NFIA: variants seen among roughly 807,000 people sequenced by gnomAD.
The protein encoded by NFIA is nuclear factor I A, also known as nuclear factor 1 A-type.
Under a neutral mutation model 62.8 loss-of-function variants are expected in NFIA, and 8 were observed. That is an observed-to-expected ratio of 0.13 (90% CI 0.07 to 0.23). The LOEUF (loss-of-function observed/expected upper bound fraction) is 0.23. Ranked by LOEUF, NFIA falls within the 10% of genes least tolerant of loss-of-function variation. The pLI, the probability that NFIA is intolerant of heterozygous loss-of-function variation, is 1.00. For missense variants in NFIA, 410 were observed against 642.1 expected, an observed-to-expected ratio of 0.64 and a Z score of 3.91; for synonymous variants, 235 against 238.1, an observed-to-expected ratio of 0.99 and a Z score of 0.12.
intron 3 of NFIA, among the ~76,000 whole-genome samples, chr1:61,290,355 A>AT: frequency 6.6e-6 from 1 of 152,198 alleles, no homozygotes; most frequent in South Asian, 2.1e-4. Flanking sequence ...TTCATTCCCC[A>AT]TTTTTTGTGC....
intron 2 of NFIA, among the ~76,000 whole-genome samples, chr1:61,211,884 A>C: frequency 6.6e-6 from 1 of 152,114 alleles, no homozygotes; most frequent in Non-Finnish European, 1.5e-5. Flanking sequence ...TTTTGTAGAC[A>C]CTGGGTTTTG....
At chr1:61,140,713 G>T (rs191435781) in intron 2 of NFIA, among the ~76,000 whole-genome samples, 1 of 152,274 alleles carries the variant, frequency 6.6e-6, no homozygotes, top group African/African-American at 2.4e-5. Context: ...TTCTGGCACA[G>T]TTGGGGAGTG....
At chr1:61,146,120 G>A (rs1647919914) in intron 2 of NFIA, among the ~76,000 whole-genome samples, 1 of 152,136 alleles carries the variant, frequency 6.6e-6, no homozygotes. Flanking sequence ...GCATCTAGAG[G>A]CTGGCTCTTC....
At chr1:61,297,755 G>A (rs763195322) in intron 3 of NFIA, among the ~76,000 whole-genome samples, 2 of 152,168 alleles carry the variant, frequency 1.3e-5, no homozygotes, top group African/African-American at 4.8e-5. Context: ...TATGCTAAGT[G>A]CTCTAACTGT....
chr1:61,431,687 T>A (rs1667101458), intron 10 of NFIA, among the ~76,000 whole-genome samples: 1 of 152,218 alleles, frequency 6.6e-6, no homozygotes, highest in African/African-American at 2.4e-5. Flanking sequence ...CACACTTCAC[T>A]GTGCTGGAAG....
chr1:61,333,582 A>C (rs1661423592), intron 4 of NFIA, among the ~76,000 whole-genome samples: 1 of 152,232 alleles, frequency 6.6e-6, no homozygotes, highest in South Asian at 2.1e-4. Flanking sequence ...TCTGCCAGGC[A>C]CTGTCGTAGG....
intron 2 of NFIA, among the ~76,000 whole-genome samples, chr1:61,170,299 G>A (rs1038684495): frequency 6.6e-6 from 1 of 152,278 alleles, no homozygotes; most frequent in East Asian, 1.9e-4. Context: ...AGTGGCATTT[G>A]GACAGGTTCA....
At chr1:61,205,901 C>CTTTTTT (rs199804398) in intron 2 of NFIA, among the ~76,000 whole-genome samples, 10 of 122,526 alleles carry the variant, frequency 8.2e-5, no homozygotes, top group East Asian at 2.9e-4. Flanking sequence ...TTTTGCAGCC[C>CTTTTTT]TTTTTTTTTT....
At chr1:61,363,674 C>T (rs1407777555) in intron 6 of NFIA, among the ~76,000 whole-genome samples, 1 of 151,774 alleles carries the variant, frequency 6.6e-6, no homozygotes, top group African/African-American at 2.4e-5. Context: ...TTCGATTTTC[C>T]TTATCCCAAA....
intron 2 of NFIA, among the ~76,000 whole-genome samples, chr1:61,141,027 C>T (rs1295129151): frequency 1.6e-5 from 2 of 125,622 alleles, no homozygotes; most frequent in Non-Finnish European, 3.1e-5. Flanking sequence ...GGAACGCCAA[C>T]AGAATGGAGA....
intron 2 of NFIA, among the ~76,000 whole-genome samples, chr1:61,145,463 C>T (rs1409834233): frequency 1.3e-5 from 2 of 152,146 alleles, no homozygotes; most frequent in Admixed American, 6.5e-5. Context: ...GGTTTATCTC[C>T]AGATGTTCAT....
intron 2 of NFIA, among the ~76,000 whole-genome samples, chr1:61,123,780 A>C (rs1223409993): frequency 1.3e-5 from 2 of 152,216 alleles, no homozygotes; most frequent in African/African-American, 4.8e-5. Flanking sequence ...TATGATATTT[A>C]ATCCATCATC....
intron 3 of NFIA, among the ~76,000 whole-genome samples, chr1:61,321,501 G>T (rs935421753): frequency 6.6e-6 from 1 of 152,004 alleles, no homozygotes; most frequent in Non-Finnish European, 1.5e-5. Context: ...AGAAAATTAG[G>T]TTGATGAGAT....
At chr1:61,078,496 A>AG (rs1359807568), upstream of NFIA, among the ~76,000 whole-genome samples, 1 of 152,216 alleles carries the variant, frequency 6.6e-6, no homozygotes, top group Non-Finnish European at 1.5e-5. Context: ...AGCTTTGGGA[A>AG]GTAATATATT....
intron 4 of NFIA, among the ~76,000 whole-genome samples, chr1:61,350,253 G>T (rs79467963): frequency 0.047 from 7,222 of 152,242 alleles, 217 homozygotes; most frequent in Admixed American, 0.095. Flanking sequence ...ATAATCCCCA[G>T]TTATAGTGGG....
chr1:61,357,701 G>T (rs558797060), intron 5 of NFIA, among the ~76,000 whole-genome samples: 1 of 152,148 alleles, frequency 6.6e-6, no homozygotes, highest in East Asian at 1.9e-4. Flanking sequence ...CTGTCTCCAT[G>T]TCTGACTCAT....
chr1:61,086,804 A>G (rs1397320076), intron 1 of NFIA, among the ~76,000 whole-genome samples: 1 of 152,176 alleles, frequency 6.6e-6, no homozygotes, highest in African/African-American at 2.4e-5. Context: ...AATATTCTGG[A>G]CATTACTGCT....
intron 2 of NFIA, among the ~76,000 whole-genome samples, chr1:61,163,915 A>G (rs748729240): frequency 2.0e-5 from 3 of 152,314 alleles, no homozygotes; most frequent in South Asian, 2.1e-4. Flanking sequence ...GCTCTAGCCA[A>G]TTGGTGCTGT....
At chr1:61,337,191 G>A (rs1661657763) in intron 4 of NFIA, among the ~76,000 whole-genome samples, 1 of 152,160 alleles carries the variant, frequency 6.6e-6, no homozygotes, top group South Asian at 2.1e-4. Flanking sequence ...GAGGCAACAA[G>A]GATGCTTGCC....
Sources: allele counts gnomAD v4.1 joint callset (sites outside exome capture counted in the v4.1 genomes callset), GRCh38; gene constraint gnomAD v4.1.1; transcripts MANE v1.5; gene names NCBI Gene and HGNC (gene_info 2026-07-23, HGNC 2026-07-21).